CSMD1: variants seen among roughly 807,000 people sequenced by gnomAD.
The protein encoded by CSMD1 is CUB and sushi domain-containing protein 1.
Under a neutral mutation model 417.5 loss-of-function variants are expected in CSMD1, and 213 were observed. The ratio of observed to expected loss-of-function variants is 0.51; its 90% CI spans 0.46 to 0.57. The LOEUF (loss-of-function observed/expected upper bound fraction) is 0.57. CSMD1 is among the 20% of genes least tolerant of loss of function. CSMD1 has a pLI of 0.00. For synonymous variants in CSMD1, 2,862 were observed against 1,736.8 expected, an observed-to-expected ratio of 1.65 and a Z score of -16.11; for missense variants, 6,923 against 4,529.7, an observed-to-expected ratio of 1.53 and a Z score of -15.17.
chr8:4,626,299 T>A (rs879633246), intron 2 of CSMD1, among the ~76,000 whole-genome samples: 2 of 152,060 alleles, frequency 1.3e-5, no homozygotes, highest in African/African-American at 2.4e-5. Flanking sequence ...GCCTGTTCAT[T>A]GCGGGGGGCT....
chr8:4,289,095 C>T (rs1797217755), intron 3 of CSMD1, among the ~76,000 whole-genome samples: 1 of 152,094 alleles, frequency 6.6e-6, no homozygotes, highest in South Asian at 2.1e-4. Flanking sequence ...TTTGGTGTAA[C>T]AGCAAAAGAA....
At chr8:4,546,017 A>G (rs956949321) in intron 2 of CSMD1, among the ~76,000 whole-genome samples, 4 of 152,128 alleles carry the variant, frequency 2.6e-5, no homozygotes, top group Non-Finnish European at 5.9e-5. Flanking sequence ...CCACAGCTGC[A>G]TCTACAGAGA....
At chr8:3,703,434 CTTTTCATT>C (rs1483933956) in intron 7 of CSMD1, among the ~76,000 whole-genome samples, 3 of 127,650 alleles carry the variant, frequency 2.4e-5, no homozygotes, top group Non-Finnish European at 5.0e-5. Context: ...TCCTTTCTCC[CTTTTCATT>C]CATTCATTCA....
chr8:4,310,385 C>T (rs75781562), intron 3 of CSMD1, among the ~76,000 whole-genome samples: 1 of 152,218 alleles, frequency 6.6e-6, no homozygotes, highest in East Asian at 1.9e-4. Context: ...TTTCTCACAG[C>T]CTACATGATG....
At chr8:3,879,134 T>C (rs1426478609) in intron 5 of CSMD1, among the ~76,000 whole-genome samples, 1 of 152,138 alleles carries the variant, frequency 6.6e-6, no homozygotes, top group Non-Finnish European at 1.5e-5. Flanking sequence ...AAACAATCAT[T>C]TTGTTTTATT....
intron 3 of CSMD1, among the ~76,000 whole-genome samples, chr8:4,235,753 G>A (rs1358738172): frequency 2.6e-5 from 4 of 152,138 alleles, no homozygotes; most frequent in East Asian, 3.9e-4. Flanking sequence ...AGGAAAAAAT[G>A]TGTCCCCCAT....
intron 3 of CSMD1, among the ~76,000 whole-genome samples, chr8:4,082,849 G>A (rs925089005): frequency 2.8e-5 from 4 of 142,954 alleles, no homozygotes; most frequent in Non-Finnish European, 6.0e-5. Flanking sequence ...CCACCTATGA[G>A]TGGGAACATG....
At chr8:4,279,745 T>C (rs1475182951) in intron 3 of CSMD1, among the ~76,000 whole-genome samples, 2 of 152,090 alleles carry the variant, frequency 1.3e-5, no homozygotes, top group African/African-American at 2.4e-5. Context: ...GCATTTCTAA[T>C]GAAGAAAAAA....
chr8:3,088,020 A>G lies in CSMD1; in HGVS notation c.7286-735T>C, dbSNP rs141554883. Among the ~76,000 whole-genome samples, 21 of 152,356 alleles carry G rather than the reference A, an allele frequency of 1.4e-4. No individual in the cohort carries two copies. In the East Asian group the frequency reaches 3.7e-3, roughly 27 times the overall value. ...TTCTGGACTGTACAATGATGTAGATATTAACCTTCTTTTTTAGCATATGGG... is the reference window on the plus strand; with the variant it reads ...TTCTGGACTGTACAATGATGTAGATGTTAACCTTCTTTTTTAGCATATGGG... On this transcript the variant is annotated intron_variant, in intron 48 of 69. Transcript: ENST00000635120.
intron 1 of CSMD1, 48 bp from the exon 2 acceptor site, chr8:4,637,606 T>C: frequency 8.5e-7 from 1 of 1,173,470 alleles, no homozygotes; most frequent in Non-Finnish European, 1.2e-6. Context: ...TGGCCATCTT[T>C]AATCTGTGAT....
chr8:4,183,031 A>C (rs1292711225), intron 3 of CSMD1, among the ~76,000 whole-genome samples: 1 of 152,230 alleles, frequency 6.6e-6, no homozygotes, highest in Non-Finnish European at 1.5e-5. Flanking sequence ...AGTAGAAAGT[A>C]CACGTGATTG....
At chr8:3,927,670 T>C (rs929795951) in intron 5 of CSMD1, among the ~76,000 whole-genome samples, 3 of 152,018 alleles carry the variant, frequency 2.0e-5, no homozygotes, top group African/African-American at 7.3e-5. Context: ...TGAAACTTCA[T>C]CTCAAAATAG....
intron 25 of CSMD1, among the ~76,000 whole-genome samples, chr8:3,297,685 G>A (rs1804068597): frequency 6.6e-6 from 1 of 152,152 alleles, no homozygotes; most frequent in Admixed American, 6.5e-5. Flanking sequence ...AATGTGAAAG[G>A]TAAATTAAGT....
Position 3,444,513 on chromosome 8 carries a change from G to A in CSMD1, c.1561+24199C>T, listed in dbSNP as rs542005311. On this transcript the variant is annotated intron_variant, in intron 12 of 69. Transcript: ENST00000635120. ...TGCTACCATCTTCTCTCCCCTCATT[G>A]GGACATTTGGCAATGTCTGGAGGCA... Among the ~76,000 whole-genome samples, 4 of 152,146 alleles carry A rather than the reference G, an allele frequency of 2.6e-5. No homozygotes were observed. The South Asian group carries it at 6.2e-4, about 24-fold the overall frequency.
chr8:4,705,136 G>A (rs890897862), intron 1 of CSMD1, among the ~76,000 whole-genome samples: 25 of 152,164 alleles, frequency 1.6e-4, no homozygotes, highest in African/African-American at 5.8e-4. Context: ...CTGCCACCTT[G>A]TGAAGAAGGT....
intron 15 of CSMD1, among the ~76,000 whole-genome samples, chr8:3,405,120 C>T (rs978949132): frequency 2.0e-5 from 3 of 152,120 alleles, no homozygotes; most frequent in Non-Finnish European, 2.9e-5. Context: ...ATAACCTTTT[C>T]AATAATACGT....
At chr8:3,071,807 C>A (rs969985619) in intron 49 of CSMD1, among the ~76,000 whole-genome samples, 1 of 152,136 alleles carries the variant, frequency 6.6e-6, no homozygotes, top group African/African-American at 2.4e-5. Flanking sequence ...GCAAATACGT[C>A]ATTTCATATA....
At chr8:2,957,985 T>C (rs1415223606) in intron 62 of CSMD1, among the ~76,000 whole-genome samples, 178 bp from the exon 63 acceptor site, 1 of 152,250 alleles carries the variant, frequency 6.6e-6, no homozygotes, top group African/African-American at 2.4e-5. Context: ...TTACACACAA[T>C]GTAGATTGCT....
chr8:4,238,124 C>T (rs972821406), intron 3 of CSMD1, among the ~76,000 whole-genome samples: 1 of 152,166 alleles, frequency 6.6e-6, no homozygotes, highest in Non-Finnish European at 1.5e-5. Flanking sequence ...ATGTCTGCCC[C>T]TGGCCTAAAA....
Sources: allele counts gnomAD v4.1 joint callset (sites outside exome capture counted in the v4.1 genomes callset), GRCh38; gene constraint gnomAD v4.1.1; transcripts MANE v1.5; gene names NCBI Gene and HGNC (gene_info 2026-07-23, HGNC 2026-07-21).